The following IQGAP1 variants were observed in gnomAD, a reference collection of about 807,000 sequenced individuals.
IQGAP1 encodes ras GTPase-activating-like protein IQGAP1.
Under a neutral mutation model 215.6 loss-of-function variants are expected in IQGAP1, and 66 were observed. That is an observed-to-expected ratio of 0.31 (90% CI 0.25 to 0.38). The LOEUF is 0.38. Ranked by LOEUF, IQGAP1 falls within the 10% of genes least tolerant of loss-of-function variation. The pLI, the probability that IQGAP1 is intolerant of heterozygous loss-of-function variation, is 1.00. For missense variants in IQGAP1, 1,712 were observed against 1,997.1 expected, an observed-to-expected ratio of 0.86 and a Z score of 2.72; for synonymous variants, 772 against 728.7, an observed-to-expected ratio of 1.06 and a Z score of -0.96.
At chr15:90,474,464 T>C in intron 22 of IQGAP1, 21 bp from the exon 23 acceptor site, 1 of 1,583,714 alleles carries the variant, frequency 6.3e-7, no homozygotes, top group Non-Finnish European at 8.7e-7. Flanking sequence ...ACTCCATTCT[T>C]TGATGCATAC....
chr15:90,389,275 A>G (rs936634562), intron 1 of IQGAP1, among the ~76,000 whole-genome samples: 4 of 152,002 alleles, frequency 2.6e-5, no homozygotes, highest in South Asian at 2.1e-4. Context: ...TGAACTTACT[A>G]GCCATACAGA....
Position 90,443,390 on chromosome 15 carries a change from T to G in IQGAP1, c.829-4T>G, listed in dbSNP as rs1196049568. On this transcript the variant is annotated splice_region_variant and splice_polypyrimidine_tract_variant and intron_variant, in intron 8 of 37. Transcript: ENST00000268182. ...ACTTAATTACGCTTTTTACTCATCC[T>G]CAGACAGAAAACTCAGAGAGAGAAA... is the stretch of plus-strand genomic sequence containing the variant. 6.2e-7 allele frequency: 1 copy of G among 1,607,602 alleles called. No individual in the cohort carries two copies. The highest frequency in any genetic ancestry group is 1.1e-5 in the South Asian group (1 of 90,824).
chr15:90,448,335 G>A (rs1965553014), intron 9 of IQGAP1, among the ~76,000 whole-genome samples: 2 of 152,186 alleles, frequency 1.3e-5, no homozygotes, highest in Non-Finnish European at 2.9e-5. Context: ...AGTAGGCTGG[G>A]AGTGTGGCCC....
chr15:90,448,637 G>C lies in IQGAP1; in HGVS notation c.978G>C (p.Arg326Ser), dbSNP rs528501086. Reference protein sequence around the residue: ...LEQGDALALFRALQSPALGLR... With the variant: ...LEQGDALALFSALQSPALGLR... The stretch of plus-strand genomic sequence containing the variant: ...AAGGAGATGCACTGGCCTTGTTCAG[G>C]GCTCTGCAGTCACCAGCCCTGGGGC... Residue 326 changes from arginine (R) to serine (S), a missense_variant, in exon 10 of 38, where the codon AGG (arginine) becomes AGC (serine). Arg to Ser is a moderately radical substitution (Grantham distance 110). Around this residue, in one of 2 missense-constraint regions of IQGAP1, gnomAD observed 1,021 missense variants for 1,074.2 expected, o/e 0.95. Coordinates refer to ENST00000268182, the MANE Select transcript of IQGAP1 (RefSeq NM_003870.4). 1 of 1,611,644 alleles carries C rather than the reference G, an allele frequency of 6.2e-7. No individual in the cohort carries two copies. The highest frequency in any genetic ancestry group is 1.1e-5 in the South Asian group (1 of 90,580).
At chr15:90,419,853 A>G (rs1965108190) in intron 2 of IQGAP1, among the ~76,000 whole-genome samples, 1 of 152,228 alleles carries the variant, frequency 6.6e-6, no homozygotes, top group Non-Finnish European at 1.5e-5. Context: ...TGGTCAGACC[A>G]TACCTGGAAC....
At chr15:90,408,076 C>T (rs981550620) in intron 2 of IQGAP1, among the ~76,000 whole-genome samples, 3 of 152,218 alleles carry the variant, frequency 2.0e-5, no homozygotes, top group African/African-American at 4.8e-5. Flanking sequence ...AGGCGTTTCC[C>T]TTTCAAGGGA....
intron 36 of IQGAP1, among the ~76,000 whole-genome samples, chr15:90,496,113 C>T (rs1338730133): frequency 1.3e-5 from 2 of 151,550 alleles, no homozygotes; most frequent in Non-Finnish European, 2.9e-5. Context: ...AGGAATAACC[C>T]GTGAGGCGTT....
intron 15 of IQGAP1, among the ~76,000 whole-genome samples, chr15:90,460,828 G>C (rs1359927867): frequency 6.6e-6 from 1 of 151,740 alleles, no homozygotes; most frequent in Non-Finnish European, 1.5e-5. Context: ...GTAAAACCCT[G>C]TCTTAACGAA....
At chr15:90,451,848 T>G (rs1474286705) in intron 11 of IQGAP1, among the ~76,000 whole-genome samples, 1 of 151,664 alleles carries the variant, frequency 6.6e-6, no homozygotes. Flanking sequence ...TTTTTTTTTT[T>G]GAGACGGAGT....
intron 1 of IQGAP1, 95 bp downstream of exon 1, chr15:90,388,491 G>A (rs1964584387): frequency 1.8e-6 from 2 of 1,090,144 alleles, no homozygotes; most frequent in African/African-American, 1.7e-5. Flanking sequence ...GGGTGGGGCA[G>A]GGCGGCTGCC....
chr15:90,482,362 C>T (rs1567141079), intron 28 of IQGAP1, 81 bp downstream of exon 28: 3 of 1,333,136 alleles, frequency 2.3e-6, no homozygotes, highest in African/African-American at 3.0e-5. Context: ...TCATTACTAA[C>T]TGCCTAAGTG....
At chr15:90,468,585 C>G (rs923036734) in intron 18 of IQGAP1, among the ~76,000 whole-genome samples, 2 of 152,232 alleles carry the variant, frequency 1.3e-5, no homozygotes, top group Admixed American at 6.5e-5. Context: ...AATCCCAGCA[C>G]TTTGAGAGGC....
intron 2 of IQGAP1, 181 bp downstream of exon 2, chr15:90,391,054 A>G (rs1390429921): frequency 7.8e-6 from 4 of 515,370 alleles, no homozygotes; most frequent in Non-Finnish European, 1.4e-5. Context: ...TGGGCAACAT[A>G]GTGACACCCC....
At chr15:90,439,461 G>A (rs1965418196) in intron 6 of IQGAP1, 62 bp downstream of exon 6, 4 of 1,384,244 alleles carry the variant, frequency 2.9e-6, no homozygotes, top group Non-Finnish European at 4.1e-6. Flanking sequence ...TGGAGAGCCA[G>A]CAGTACCAAT....
chr15:90,485,998 G>T (rs1032252572), intron 30 of IQGAP1, 32 bp from the exon 31 acceptor site: 1 of 1,528,046 alleles, frequency 6.5e-7, no homozygotes, highest in African/African-American at 1.4e-5. Flanking sequence ...AGAGTTGAAT[G>T]TATAAATGGA....
In IQGAP1 at chr15:90,484,103, A is replaced by C; in HGVS notation, c.3789-117A>C. The C allele has an allele frequency of 3.5e-6, 3 of 859,014 alleles. No individual in the cohort carries two copies. In the South Asian group the frequency reaches 5.1e-5, roughly 15 times the overall value. The allele number at this position is 859,014 out of a possible 1,614,324, so 53.2% of individuals were successfully genotyped here. Reference sequence around the variant, plus strand: ...GCAAACACACAGCACTTTCTCTTGAAGTAACTGTTGACTGGCTTCTGTTTG... The same window carrying C: ...GCAAACACACAGCACTTTCTCTTGACGTAACTGTTGACTGGCTTCTGTTTG... On this transcript the variant is annotated intron_variant, in intron 29 of 37. Coordinates refer to ENST00000268182, the MANE Select transcript of IQGAP1 (RefSeq NM_003870.4).
intron 23 of IQGAP1, among the ~76,000 whole-genome samples, chr15:90,476,293 T>G (rs1313977403): frequency 6.6e-6 from 1 of 152,202 alleles, no homozygotes; most frequent in African/African-American, 2.4e-5. Flanking sequence ...ATGATTTACC[T>G]CTTTTTCCCC....
chr15:90,419,396 A>G (rs1297642244), intron 2 of IQGAP1, among the ~76,000 whole-genome samples: 4 of 152,192 alleles, frequency 2.6e-5, no homozygotes, highest in Admixed American at 6.5e-5. Context: ...GAGTCATTCT[A>G]TGTTACTTCT....
At chr15:90,495,439 T>C (rs1966258672) in intron 36 of IQGAP1, among the ~76,000 whole-genome samples, 1 of 152,120 alleles carries the variant, frequency 6.6e-6, no homozygotes, top group South Asian at 2.1e-4. Context: ...TCTAAAATAA[T>C]ATGTATTCGT....
Sources: gnomAD v4.1 joint callset for allele counts (sites outside exome capture counted in the v4.1 genomes callset) on GRCh38, gnomAD v4.1.1 for gene constraint, gnomAD v4.1.1 regional missense constraint, MANE v1.5 for transcripts, NCBI Gene and HGNC (gene_info 2026-07-23, HGNC 2026-07-21) for gene names.